RPS6KC1: variants seen among roughly 807,000 people sequenced by gnomAD.
The protein encoded by RPS6KC1 is ribosomal protein S6 kinase C1.
A neutral mutation model predicts 103.8 loss-of-function variants in RPS6KC1; 54 were observed. The observed-to-expected ratio is 0.52, with a 90% CI of 0.42 to 0.65. The LOEUF (loss-of-function observed/expected upper bound fraction) is 0.65, where lower values mean the gene tolerates loss of function less well. Among genes scored for constraint, RPS6KC1 ranks in the 30% least tolerant of loss-of-function variants. The pLI is 0.00. For missense variants in RPS6KC1, 1,151 were observed against 1,253.8 expected, an observed-to-expected ratio of 0.92 and a Z score of 1.24; for synonymous variants, 439 against 438.7, an observed-to-expected ratio of 1.00 and a Z score of -0.01.
At chr1:213,316,171 T>C in the RPS6KC1 span, among the ~76,000 whole-genome samples, 1 of 152,240 alleles carries the variant, frequency 6.6e-6, no homozygotes, top group African/African-American at 2.4e-5. Context: ...CTGATGGTTT[T>C]ATAAGTGGCA....
intron 4 of RPS6KC1, among the ~76,000 whole-genome samples, chr1:213,110,345 T>G (rs541652156): frequency 6.6e-5 from 10 of 152,186 alleles, no homozygotes; most frequent in Admixed American, 4.6e-4. Flanking sequence ...AGTTCTGATG[T>G]TTTTTTTCTT....
At chr1:213,408,963 G>T in the RPS6KC1 span, among the ~76,000 whole-genome samples, 1 of 152,078 alleles carries the variant, frequency 6.6e-6, no homozygotes, top group South Asian at 2.1e-4. Flanking sequence ...TCCCCTCATA[G>T]CACTGGTAAT....
the RPS6KC1 span, among the ~76,000 whole-genome samples, chr1:213,764,195 C>A: frequency 6.6e-6 from 1 of 152,208 alleles, no homozygotes; most frequent in Non-Finnish European, 1.5e-5. Flanking sequence ...TTGACGGAAA[C>A]ACGCAGAGAG....
the RPS6KC1 span, among the ~76,000 whole-genome samples, chr1:213,651,855 C>G: frequency 6.6e-6 from 1 of 152,166 alleles, no homozygotes; most frequent in Non-Finnish European, 1.5e-5. Context: ...GAGTTTTGAG[C>G]TCCTTGTGTG....
At chr1:213,360,623 G>C in the RPS6KC1 span, among the ~76,000 whole-genome samples, 1 of 152,226 alleles carries the variant, frequency 6.6e-6, no homozygotes, top group African/African-American at 2.4e-5. Context: ...TTTGGAGGAG[G>C]AGAAGCGCTC....
At chr1:213,191,837 T>C (rs1022516039) in intron 8 of RPS6KC1, among the ~76,000 whole-genome samples, 3 of 151,898 alleles carry the variant, frequency 2.0e-5, no homozygotes, top group Non-Finnish European at 4.4e-5. Flanking sequence ...TGAGATGGAG[T>C]CTTGCTCTGT....
chr1:213,333,103 A>T, the RPS6KC1 span, among the ~76,000 whole-genome samples: 14 of 152,154 alleles, frequency 9.2e-5, no homozygotes, highest in Non-Finnish European at 1.8e-4. Context: ...TTTTCTTTCT[A>T]TTCCATCCAT....
At chr1:213,549,456 T>G in the RPS6KC1 span, among the ~76,000 whole-genome samples, 1 of 152,096 alleles carries the variant, frequency 6.6e-6, no homozygotes, top group African/African-American at 2.4e-5. Flanking sequence ...GTCATGTCCC[T>G]TGCTAAGGTC....
the RPS6KC1 span, among the ~76,000 whole-genome samples, chr1:213,757,032 TTG>T: frequency 4.5e-4 from 68 of 152,252 alleles, no homozygotes; most frequent in Non-Finnish European, 1.9e-4. Context: ...TTAATAAATG[TTG>T]TGTGTTCTGA....
chr1:213,417,642 G>C, the RPS6KC1 span, among the ~76,000 whole-genome samples: 4 of 152,186 alleles, frequency 2.6e-5, no homozygotes, highest in Non-Finnish European at 4.4e-5. Context: ...GGTCGGGGAT[G>C]GGGGAGACTA....
chr1:213,671,342 A>G, the RPS6KC1 span, among the ~76,000 whole-genome samples: 2 of 152,000 alleles, frequency 1.3e-5, no homozygotes, highest in East Asian at 3.9e-4. Flanking sequence ...AGAAGTAGAG[A>G]GCAGAATGGT....
At chr1:213,268,682 A>G (rs1259498040) in intron 14 of RPS6KC1, among the ~76,000 whole-genome samples, 3 of 150,878 alleles carry the variant, frequency 2.0e-5, no homozygotes, top group East Asian at 3.9e-4. Flanking sequence ...CAATATCTAA[A>G]TATGACAATA....
the RPS6KC1 span, among the ~76,000 whole-genome samples, chr1:213,441,918 C>A: frequency 6.6e-6 from 1 of 152,194 alleles, no homozygotes; most frequent in Non-Finnish European, 1.5e-5. Flanking sequence ...TTAATTATTG[C>A]ACATTGTATT....
At chr1:213,513,090 G>A in the RPS6KC1 span, among the ~76,000 whole-genome samples, 25,044 of 152,160 alleles carry the variant, frequency 0.16, 2,656 homozygotes, top group African/African-American at 0.29. Flanking sequence ...TGCCATCACA[G>A]GTTCTTAAAT....
chr1:213,676,377 A>T, the RPS6KC1 span, among the ~76,000 whole-genome samples: 1 of 152,148 alleles, frequency 6.6e-6, no homozygotes, highest in Admixed American at 6.5e-5. Context: ...AGTATCTGTC[A>T]TATAGGAGAT....
the RPS6KC1 span, among the ~76,000 whole-genome samples, chr1:213,448,233 A>AGG: frequency 7.9e-6 from 1 of 127,360 alleles, no homozygotes; most frequent in Non-Finnish European, 1.7e-5. Context: ...GTCAAAAAAA[A>AGG]AAAAAAAAAA....
At chr1:213,815,954 T>C in the RPS6KC1 span, among the ~76,000 whole-genome samples, 584 of 152,260 alleles carry the variant, frequency 3.8e-3, 12 homozygotes, top group Non-Finnish European at 2.2e-3. Context: ...TTAGAAGCCA[T>C]TGTAGGGTTA....
At chr1:213,184,319 G>A (rs931460022) in intron 8 of RPS6KC1, among the ~76,000 whole-genome samples, 8 of 151,762 alleles carry the variant, frequency 5.3e-5, no homozygotes, top group African/African-American at 1.5e-4. Flanking sequence ...CATAAGTGTA[G>A]GTATAGAAAC....
chr1:213,602,195 TCCCTCCCTCCCTCCC>T, the RPS6KC1 span, among the ~76,000 whole-genome samples: 1 of 85,450 alleles, frequency 1.2e-5, no homozygotes, highest in African/African-American at 5.5e-5. Flanking sequence ...TCTTTTTCCC[TCCCTCCCTCCCTCCC>T]TCCATTCCTT....
Sources: allele counts gnomAD v4.1 joint callset (sites outside exome capture counted in the v4.1 genomes callset), GRCh38; gene constraint gnomAD v4.1.1; transcripts MANE v1.5; gene names NCBI Gene and HGNC (gene_info 2026-07-23, HGNC 2026-07-21).